FBN3: variants seen among roughly 807,000 people sequenced by gnomAD.
The protein encoded by FBN3 is fibrillin-3.
In FBN3, 234 loss-of-function variants were observed where a neutral mutation model predicts 330.1. The observed-to-expected ratio is 0.71, with a 90% CI of 0.64 to 0.79. The LOEUF (loss-of-function observed/expected upper bound fraction) is 0.79. FBN3 is among the 30% of genes least tolerant of loss of function. The probability of loss-of-function intolerance (pLI) is 0.00; values close to 1 mark genes in which losing one functional copy is unlikely to be tolerated. For missense variants in FBN3, 3,606 were observed against 3,886.9 expected, an observed-to-expected ratio of 0.93 and a Z score of 1.92; for synonymous variants, 1,458 against 1,517.3, an observed-to-expected ratio of 0.96 and a Z score of 0.91.
chr19:8,136,626 T>G, intron 10 of FBN3, 95 bp from the exon 11 acceptor site: 1 of 1,525,558 alleles, frequency 6.6e-7, no homozygotes, highest in Non-Finnish European at 9.0e-7. Flanking sequence ...ATACCCCCTC[T>G]AAGGCTGGGA....
In FBN3 at chr19:8,126,835, G is replaced by A. The variant is rs751432801; in HGVS notation, c.2297-3C>T. The A allele has an allele frequency of 1.9e-6, 3 of 1,547,264 alleles. No individual in the cohort carries two copies. The highest frequency in any genetic ancestry group is 1.4e-5 in the African/African-American group (1 of 72,654). On this transcript the variant is annotated splice_polypyrimidine_tract_variant and splice_region_variant and intron_variant, in intron 18 of 63. Transcript: ENST00000600128. ...GCTGGACAGGCATTCGTCGACATCT[G>A]TGGGGACAGCCCCCCACCAGGTCCT...
intron 3 of FBN3, 62 bp from the exon 4 acceptor site, chr19:8,146,287 T>C (rs768257324): frequency 4.5e-5 from 64 of 1,426,090 alleles, no homozygotes; most frequent in Non-Finnish European, 4.7e-5. Flanking sequence ...CCCTGCTCCA[T>C]TGGTGTCCGG....
At chr19:8,085,997 G>A (rs2081936912) in intron 55 of FBN3, among the ~76,000 whole-genome samples, 1 of 149,506 alleles carries the variant, frequency 6.7e-6, no homozygotes, top group Non-Finnish European at 1.5e-5. Context: ...GGGAGGGACA[G>A]GCAGTGGGGG....
intron 1 of FBN3, among the ~76,000 whole-genome samples, chr19:8,148,075 C>T (rs932985394): frequency 2.6e-5 from 4 of 151,858 alleles, no homozygotes; most frequent in Non-Finnish European, 5.9e-5. Flanking sequence ...CAGAGAGCGT[C>T]CAGGGTAGGA....
At chr19:8,086,488 G>A (rs947040954) in intron 54 of FBN3, among the ~76,000 whole-genome samples, 163 bp from the exon 55 acceptor site, 10 of 146,368 alleles carry the variant, frequency 6.8e-5, no homozygotes, top group Non-Finnish European at 1.1e-4. Context: ...ACAGAGTCTC[G>A]CTCCGTTTCC....
Position 8,078,793 on chromosome 19 carries a change from T to TC in FBN3, c.7453+2209_7453+2210insG, listed in dbSNP as rs1555725598. 2.7e-3 allele frequency among the ~76,000 whole-genome samples: 164 copies of TC among 59,900 alleles called. 2 individuals carry two copies. The highest frequency in any genetic ancestry group is 0.018 in the East Asian group (60 of 3,268). The allele number at this position is 59,900 out of a possible 152,430, so 39.3% of individuals were successfully genotyped here. A position where few individuals can be genotyped will look rare whatever the true frequency, so the allele number is the denominator to read the frequency against. On this transcript the variant is annotated intron_variant, in intron 59 of 63. Transcript: ENST00000600128. ...GTTCAAATGTTCTCTCTCTCTCTCTTTTTTTTTTTTTTGAGTCTTGCTCTG... is the reference window on the plus strand; with the variant it reads ...GTTCAAATGTTCTCTCTCTCTCTCTTCTTTTTTTTTTTTGAGTCTTGCTCTG...
chr19:8,111,338 G>A (rs1015316171), intron 32 of FBN3, among the ~76,000 whole-genome samples, 155 bp from the exon 33 acceptor site: 1 of 152,220 alleles, frequency 6.6e-6, no homozygotes, highest in East Asian at 1.9e-4. Context: ...GGTGGGAGGC[G>A]AGTGACCGAG....
rs189370489 is a variant in FBN3, at chr19:8,133,993, G to A, written c.1592-887C>T. Among the ~76,000 whole-genome samples, 1,213 of 150,614 alleles carry A rather than the reference G, an allele frequency of 8.1e-3. 19 individuals carry two copies. Among genetic ancestry groups the A allele is most frequent in the African/African-American group, 0.028 (1,132 of 40,980 alleles). On this transcript the variant is annotated intron_variant, in intron 13 of 63. Transcript: ENST00000600128. ...CGTAATCCCAGCACTTTGGGAGGCC[G>A]AGATGGGCAGATCACGAGGTCAGGA...
At chr19:8,099,647 T>C (rs1023846762) in intron 41 of FBN3, among the ~76,000 whole-genome samples, 1 of 151,906 alleles carries the variant, frequency 6.6e-6, no homozygotes, top group African/African-American at 2.4e-5. Flanking sequence ...TGAAAATGAA[T>C]TCATCAGTTA....
In FBN3 at chr19:8,115,658, A is replaced by G. The variant is rs1353195555; in HGVS notation, c.3713-18T>C. The G allele has an allele frequency of 1.2e-6, 2 of 1,613,462 alleles. No homozygotes were observed. The highest frequency in any genetic ancestry group is 1.3e-5 in the African/African-American group (1 of 74,888). ...ATCCACATCTGTTGGGGAAGAGAGC[A>G]TGAGGTCTGAGGACTGGGTGCAGGG... is the stretch of plus-strand genomic sequence containing the variant. On this transcript the variant is annotated intron_variant, in intron 29 of 63. Transcript: ENST00000600128.
At chr19:8,083,439 T>A in intron 56 of FBN3, 67 bp from the exon 57 acceptor site, 1 of 1,579,876 alleles carries the variant, frequency 6.3e-7, no homozygotes, top group Non-Finnish European at 8.7e-7. Flanking sequence ...GAATGTCTCC[T>A]TCTCTCTGCC....
At chr19:8,068,299 G>A (rs555148382) in intron 63 of FBN3, among the ~76,000 whole-genome samples, 44 of 151,644 alleles carry the variant, frequency 2.9e-4, no homozygotes, top group African/African-American at 1.0e-3. Flanking sequence ...GCTGAGCCAG[G>A]AGAATGGCAT....
rs568731397 is a variant in FBN3, at chr19:8,110,300, C to T, written c.4333+545G>A. Among the ~76,000 whole-genome samples, 7 of 152,236 alleles carry T rather than the reference C, an allele frequency of 4.6e-5. No individual in the cohort carries two copies. In the East Asian group the frequency reaches 7.7e-4, roughly 17 times the overall value. ...TCTCCAACTCCTGGCCTGGAGTGAT[C>T]CTCCCACCTCAGCCTCCCAAAGTGC... On this transcript the variant is annotated intron_variant, in intron 34 of 63. Transcript: ENST00000600128.
At chr19:8,116,414 A>C (rs1043667243) in intron 29 of FBN3, among the ~76,000 whole-genome samples, 1 of 152,236 alleles carries the variant, frequency 6.6e-6, no homozygotes, top group Non-Finnish European at 1.5e-5. Flanking sequence ...AACAAATGCC[A>C]TTTAAAAGAG....
intron 56 of FBN3, among the ~76,000 whole-genome samples, chr19:8,084,360 C>T (rs1336122404): frequency 2.0e-5 from 3 of 152,030 alleles, no homozygotes; most frequent in East Asian, 1.9e-4. Context: ...CAGTCCGGAA[C>T]GAGCTCTCAC....
Position 8,145,917 on chromosome 19 carries a change from C to T in FBN3, c.371G>A (p.Cys124Tyr). 6.4e-7 allele frequency: 1 copy of T among 1,551,322 alleles called. No homozygotes were observed. Among genetic ancestry groups the T allele is most frequent in the Non-Finnish European group, 8.7e-7 (1 of 1,146,980 alleles). ...VSRGSGCSVS[C>Y]MNGGTCRGAS... Reference sequence around the variant, plus strand: ...CCCCCGGCAGGTGCCCCCATTCATACAGCTCACACTGCACCCTGACCCTGG... The same window carrying T: ...CCCCCGGCAGGTGCCCCCATTCATATAGCTCACACTGCACCCTGACCCTGG... Residue 124 changes from cysteine (C) to tyrosine (Y), a missense_variant, in exon 5 of 64, where the codon TGT (cysteine) becomes TAT (tyrosine). Cys to Tyr is a radical substitution (Grantham distance 194). Coordinates refer to ENST00000600128, the MANE Select transcript of FBN3 (RefSeq NM_032447.5).
At chr19:8,088,531 C>T (rs1428698853) in intron 51 of FBN3, among the ~76,000 whole-genome samples, 1 of 152,062 alleles carries the variant, frequency 6.6e-6, no homozygotes, top group African/African-American at 2.4e-5. Context: ...AGCAAGACTT[C>T]ATCTCTAAAA....
chr19:8,120,796 C>A (rs777103589), intron 25 of FBN3, among the ~76,000 whole-genome samples: 5 of 152,190 alleles, frequency 3.3e-5, no homozygotes, highest in Admixed American at 6.5e-5. Context: ...ATTTCCTCAG[C>A]GATTCATGTT....
chr19:8,117,698 AT>A, intron 26 of FBN3, 109 bp from the exon 27 acceptor site: 7 of 1,282,700 alleles, frequency 5.5e-6, no homozygotes, highest in Non-Finnish European at 7.4e-6. Flanking sequence ...CACTGCCAGC[AT>A]TGGCACAGCC....
Sources: gnomAD v4.1 joint callset for allele counts (sites outside exome capture counted in the v4.1 genomes callset) on GRCh38, gnomAD v4.1.1 for gene constraint, MANE v1.5 for transcripts, NCBI Gene and HGNC (gene_info 2026-07-23, HGNC 2026-07-21) for gene names.